Variants in CAD observed in about 807,000 individuals in gnomAD.
CAD encodes the protein carbamoyl-phosphate synthetase 2, aspartate transcarbamylase, and dihydroorotase.
In CAD, 81 loss-of-function variants were observed where a neutral mutation model predicts 237.2. That is an observed-to-expected ratio of 0.34 (90% CI 0.29 to 0.41). CAD has a LOEUF of 0.41. Among genes scored for constraint, CAD ranks in the 10% least tolerant of loss-of-function variants. The probability of loss-of-function intolerance (pLI) is 1.00; values close to 1 mark genes in which losing one functional copy is unlikely to be tolerated. For synonymous variants in CAD, 1,196 were observed against 1,162.8 expected (o/e 1.03, Z -0.58); for missense variants, 2,181 against 2,951.7 (o/e 0.74, Z 6.05).
chr2:27,238,062 G>T lies in CAD; in HGVS notation c.4735G>T (p.Glu1579Ter). 1 of 1,614,114 alleles carries T rather than the reference G, an allele frequency of 6.2e-7. No homozygotes were observed. The highest frequency in any genetic ancestry group is 8.5e-7 in the Non-Finnish European group (1 of 1,179,988). The change falls in exon 30 of 44, where the codon GAG becomes TAG. Residue 1579 changes from glutamate (E) to a stop codon, truncating the protein, a stop_gained. Coordinates refer to ENST00000264705, the MANE Select transcript of CAD (RefSeq NM_004341.5). LOFTEE classifies it high-confidence loss of function. ...DSVVQWMEHFETWPSHLPIVA... is the reference protein window; with the variant it reads ...DSVVQWMEHF ...CAGTTCTTTCTGCTCCCAGCATTTC[G>T]AGACATGGCCCTCCCACCTCCCCAT...
At position 27,236,987 on chromosome 2, in the gene CAD, C is replaced by T. The variant is rs1463073365; in HGVS notation, c.4396+157C>T. ...TTTCTCACTCTTTCATTCCTTAATC[C>T]ACAGTGTCCACAGTGGCCTTGTCTG... On this transcript the variant is annotated intron_variant, in intron 27 of 43. Transcript: ENST00000264705. This position sits in a 1 kb window ranked among gnomAD's most constrained non-coding sequence, Gnocchi z 4.1. Among the ~76,000 whole-genome samples, 1 of 151,750 alleles carries T rather than the reference C, an allele frequency of 6.6e-6. No homozygotes were observed. Among genetic ancestry groups the T allele is most frequent in the Non-Finnish European group, 1.5e-5 (1 of 67,986 alleles).
At position 27,237,681 on chromosome 2, in the gene CAD, G is replaced by A. The variant is rs760834696; in HGVS notation, c.4564-37G>A. 154 of 1,592,908 alleles carry A rather than the reference G, an allele frequency of 9.7e-5. 1 individual carries two copies. The highest frequency in any genetic ancestry group is 1.3e-4 in the Non-Finnish European group (147 of 1,167,400). ...TGCCAGGCTAGCCTGTGTGGGCATG[G>A]GTGCCAGTGAGCCTTACCTCTGTGT... On this transcript the variant is annotated intron_variant, in intron 28 of 43. Transcript: ENST00000264705. The surrounding 1 kb of genome is among the most constrained non-coding windows in gnomAD (Gnocchi z 4.0).
At position 27,239,824 on chromosome 2, in the gene CAD, C is replaced by T. The variant is rs1416959332; in HGVS notation, c.5496+26C>T. On this transcript the variant is annotated intron_variant, in intron 34 of 43. Transcript: ENST00000264705. The surrounding 1 kb of genome is among the most constrained non-coding windows in gnomAD (Gnocchi z 4.0). Reference sequence around the variant, plus strand: ...GTATCCACACTACTGGGCTAGGGGGCTGGGAGGTGTTAGTCTCAGGGCAGG... The same window carrying T: ...GTATCCACACTACTGGGCTAGGGGGTTGGGAGGTGTTAGTCTCAGGGCAGG... 1 of 1,465,246 alleles carries T rather than the reference C, an allele frequency of 6.8e-7. No homozygotes were observed. Among genetic ancestry groups the T allele is most frequent in the Non-Finnish European group, 9.2e-7 (1 of 1,088,158 alleles). 90.8% of individuals were successfully genotyped at this position (1,465,246 alleles called of 1,614,324 possible).
Position 27,237,136 on chromosome 2 carries a change from G to C in CAD, c.4397-243G>C, listed in dbSNP as rs1335758438. Among the ~76,000 whole-genome samples the C allele has an allele frequency of 6.7e-6, 1 of 149,648 alleles. No individual in the cohort carries two copies. Among genetic ancestry groups the C allele is most frequent in the Admixed American group, 6.8e-5 (1 of 14,802 alleles). ...CCTCCCAGGTTCAAGCGATTTTCCTGCCTCAGCCTCCCAAGTAGCTGGGAT... is the reference window on the plus strand; with the variant it reads ...CCTCCCAGGTTCAAGCGATTTTCCTCCCTCAGCCTCCCAAGTAGCTGGGAT... On this transcript the variant is annotated intron_variant, in intron 27 of 43. Transcript: ENST00000264705. This position sits in a 1 kb window ranked among gnomAD's most constrained non-coding sequence, Gnocchi z 4.0.
At position 27,224,489 on chromosome 2, in the gene CAD, A is replaced by G. The variant is rs1384992210; in HGVS notation, c.1253A>G (p.Gln418Arg). 6.2e-7 allele frequency: 1 copy of G among 1,613,878 alleles called. No homozygotes were observed. Among genetic ancestry groups the G allele is most frequent in the Non-Finnish European group, 8.5e-7 (1 of 1,179,836 alleles). ...QAGEFDYSGS[Q>R]AIKALKEENI... ...GGAGAATTTGACTACTCGGGCTCTCAGGTGAGGCATGTTCCTCCCCACCCT... is the reference window on the plus strand; with the variant it reads ...GGAGAATTTGACTACTCGGGCTCTCGGGTGAGGCATGTTCCTCCCCACCCT... The change falls in exon 9 of 44, where the codon CAG becomes CGG. Residue 418 changes from glutamine to arginine, a missense_variant and splice_region_variant. Gln to Arg is a conservative substitution (Grantham distance 43). Coordinates refer to ENST00000264705, the MANE Select transcript of CAD (RefSeq NM_004341.5).
At chr2:27,231,794 A>T (rs1675771483) in intron 16 of CAD, among the ~76,000 whole-genome samples, 186 bp from the exon 17 acceptor site, 1 of 152,252 alleles carries the variant, frequency 6.6e-6, no homozygotes, top group East Asian at 1.9e-4. Context: ...GACATAGGTT[A>T]TAGAAATTAC....
intron 2 of CAD, 103 bp downstream of exon 2, chr2:27,218,119 A>G: frequency 9.9e-7 from 1 of 1,005,364 alleles, no homozygotes; most frequent in African/African-American, 1.7e-5. Context: ...TCCTGCAGAA[A>G]ACATACCCAC....
At chr2:27,220,957 C>CA (rs921600094) in intron 2 of CAD, among the ~76,000 whole-genome samples, 2 of 150,856 alleles carry the variant, frequency 1.3e-5, no homozygotes, top group Admixed American at 1.3e-4. Context: ...GACTCTGTCT[C>CA]AAAAAAAATA....
Position 27,237,865 on chromosome 2 carries a change from G to T in CAD, c.4711G>T (p.Val1571Leu). 1 of 1,612,082 alleles carries T rather than the reference G, an allele frequency of 6.2e-7. No homozygotes were observed. The highest frequency in any genetic ancestry group is 8.5e-7 in the Non-Finnish European group (1 of 1,178,850). Residue 1571 changes from valine (V) to leucine (L), a missense_variant, in exon 29 of 44, where the codon GTG becomes TTG. Val to Leu is a conservative substitution (Grantham distance 32). Coordinates refer to ENST00000264705, the MANE Select transcript of CAD (RefSeq NM_004341.5). This position sits in a 1 kb window ranked among gnomAD's most constrained non-coding sequence, Gnocchi z 4.0. ...CTTCTCTGAGCTGCGGCTGGACAGC[G>T]TGGTCCAGTGGATGGAGGTAGGGAG... is the stretch of plus-strand genomic sequence containing the variant. ...ETFSELRLDSVVQWMEHFETW... is the reference protein window; with the variant it reads ...ETFSELRLDSLVQWMEHFETW...
chr2:27,224,120 G>C, intron 8 of CAD, 91 bp downstream of exon 8: 1 of 1,022,956 alleles, frequency 9.8e-7, no homozygotes, highest in Non-Finnish European at 1.5e-6. Context: ...GCAACTCCTA[G>C]ATGTCTAGGA....
Position 27,242,815 on chromosome 2 carries a change from T to G in CAD, c.6378+40T>G. ...GCCCTGCCTGGAAGCCATGGAGATG[T>G]GGGTTGGGCAGTCAGAGCCCAGCGC... On this transcript the variant is annotated intron_variant, in intron 41 of 43. Transcript: ENST00000264705. The surrounding 1 kb of genome is among the most constrained non-coding windows in gnomAD (Gnocchi z 6.4). The G allele has an allele frequency of 6.2e-7, 1 of 1,614,032 alleles. No individual in the cohort carries two copies. Among genetic ancestry groups the G allele is most frequent in the Non-Finnish European group, 8.5e-7 (1 of 1,179,918 alleles).
In CAD at chr2:27,240,284, G is replaced by A. The variant is rs773341248; in HGVS notation, c.5516G>A (p.Arg1839His). 8 of 1,612,880 alleles carry A rather than the reference G, an allele frequency of 5.0e-6. No individual in the cohort carries two copies. Among genetic ancestry groups the A allele is most frequent in the South Asian group, 1.1e-5 (1 of 91,044 alleles). ...EMTTTPERPR[R>H]GIPGLPDGRF... Reference sequence around the variant, plus strand: ...CTCCAGACACCTGAAAGACCCCGCCGTGGCATCCCAGGGCTTCCTGATGGC... The same window carrying A: ...CTCCAGACACCTGAAAGACCCCGCCATGGCATCCCAGGGCTTCCTGATGGC... Residue 1839 changes from arginine to histidine, a missense_variant, in exon 35 of 44, where the codon CGT becomes CAT. Physicochemically the swap from Arg to His is conservative, Grantham distance 29. Transcript: ENST00000264705. The surrounding 1 kb of genome is among the most constrained non-coding windows in gnomAD (Gnocchi z 4.6).
chr2:27,225,117 G>A lies in CAD; in HGVS notation c.1494G>A (p.Gly498=), dbSNP rs1452327196. Residue 498 remains glycine (G), a synonymous_variant, in exon 11 of 44, where the codon GGG becomes GGA. Coordinates refer to ENST00000264705, the MANE Select transcript of CAD (RefSeq NM_004341.5). ...LTKAGVLARY[G]VRVLGTPVET... ...AGGCCGGGGTGCTGGCTCGGTATGG[G>A]GTCCGGGTCCTGGGCACACCAGTGG... 2 of 1,614,166 alleles carry A rather than the reference G, an allele frequency of 1.2e-6. No homozygotes were observed. Among genetic ancestry groups the A allele is most frequent in the Non-Finnish European group, 1.7e-6 (2 of 1,180,038 alleles).
intron 15 of CAD, among the ~76,000 whole-genome samples, chr2:27,228,580 C>A (rs1452738438): frequency 6.6e-6 from 1 of 151,642 alleles, no homozygotes; most frequent in Admixed American, 6.6e-5. Context: ...CAGGCTAAGA[C>A]CCTGTCTTTT....
rs1315124523 is a variant in CAD, at chr2:27,235,511, A to G, written c.3970-25A>G. 1.9e-6 allele frequency: 3 copies of G among 1,612,732 alleles called. No individual in the cohort carries two copies. The highest frequency in any genetic ancestry group is 2.5e-6 in the Non-Finnish European group (3 of 1,178,872). ...TGAAATGGAAGACAGGAAGAAAACA[A>G]TTTCATCCTTCTGTTTGGTTTCAGA... On this transcript the variant is annotated intron_variant, in intron 24 of 43. Coordinates refer to ENST00000264705, the MANE Select transcript of CAD (RefSeq NM_004341.5). The surrounding 1 kb of genome is among the most constrained non-coding windows in gnomAD (Gnocchi z 5.2).
chr2:27,233,584 G>A lies in CAD; in HGVS notation c.3217-42G>A. 6.2e-7 allele frequency: 1 copy of A among 1,613,780 alleles called. No homozygotes were observed. The highest frequency in any genetic ancestry group is 8.5e-7 in the Non-Finnish European group (1 of 1,179,680). ...ACCCGGAGGCTGGATGATGCTTGGG[G>A]GAAAGTGTGAACAACTCAGCTAAGC... On this transcript the variant is annotated intron_variant, in intron 20 of 43. Coordinates refer to ENST00000264705, the MANE Select transcript of CAD (RefSeq NM_004341.5). The surrounding 1 kb of genome is among the most constrained non-coding windows in gnomAD (Gnocchi z 6.3).
At position 27,237,427 on chromosome 2, in the gene CAD, A is replaced by T. The variant is rs1676067236; in HGVS notation, c.4445A>T (p.Lys1482Met). The T allele has an allele frequency of 1.2e-6, 2 of 1,614,152 alleles. No homozygotes were observed. Among genetic ancestry groups the T allele is most frequent in the Non-Finnish European group, 1.7e-6 (2 of 1,180,012 alleles). Residue 1482 changes from lysine to methionine, a missense_variant, in exon 28 of 44, where the codon AAG (lysine) becomes ATG (methionine). By Grantham distance (95) the Lys-to-Met change is moderately conservative. Around this residue, in one of 12 missense-constraint regions of CAD, gnomAD observed 478 missense variants for 515.0 expected, o/e 0.93. Coordinates refer to ENST00000264705, the MANE Select transcript of CAD (RefSeq NM_004341.5). This position sits in a 1 kb window ranked among gnomAD's most constrained non-coding sequence, Gnocchi z 4.0. ...VHLREPGGTH[K>M]EDFASGTAAA... ...CTGCGGGAACCAGGTGGGACACATAAGGAGGACTTTGCTTCAGGCACAGCC... is the reference window on the plus strand; with the variant it reads ...CTGCGGGAACCAGGTGGGACACATATGGAGGACTTTGCTTCAGGCACAGCC...
At position 27,225,030 on chromosome 2, in the gene CAD, C is replaced by T. The variant is rs745782990; in HGVS notation, c.1407C>T (p.Pro469=). Residue 469 remains proline, a synonymous_variant, in exon 11 of 44, where the codon CCC becomes CCT. Transcript: ENST00000264705. ...YVTQVIRNER[P]DGVLLTFGGQ... ...CTCAGGTGATACGTAATGAACGCCC[C>T]GATGGTGTGTTACTGACTTTTGGGG... 1.2e-5 allele frequency: 20 copies of T among 1,610,910 alleles called. No homozygotes were observed. Among genetic ancestry groups the T allele is most frequent in the African/African-American group, 1.2e-4 (9 of 74,822 alleles).
chr2:27,226,853 A>G lies in CAD; in HGVS notation c.2178A>G (p.Thr726=), dbSNP rs1197642264. 1 of 1,614,228 alleles carries G rather than the reference A, an allele frequency of 6.2e-7. No homozygotes were observed. Among genetic ancestry groups the G allele is most frequent in the Admixed American group, 1.7e-5 (1 of 60,026 alleles). Residue 726 remains threonine (T), a synonymous_variant, in exon 15 of 44, where the codon ACA becomes ACG. Transcript: ENST00000264705. ...PELRNSVTGG[T]AAFEPSVDYC... ...CCAGGAACTCTGTGACAGGGGGTAC[A>G]GCAGCCTTTGAACCCAGCGTGGATT...
Sources: allele counts gnomAD v4.1 joint callset (sites outside exome capture counted in the v4.1 genomes callset), GRCh38; gene constraint gnomAD v4.1.1; regional missense constraint gnomAD v4.1.1; non-coding constraint Gnocchi (gnomAD v3.1); transcripts MANE v1.5; gene names NCBI Gene and HGNC (gene_info 2026-07-23, HGNC 2026-07-21).